Variants in ARHGAP10 observed in about 807,000 individuals in gnomAD.
The protein encoded by ARHGAP10 is Rho GTPase activating protein 10.
Under a neutral mutation model 108.6 loss-of-function variants are expected in ARHGAP10, and 87 were observed. The ratio of observed to expected loss-of-function variants is 0.80; its 90% CI spans 0.67 to 0.96. The LOEUF is 0.96. Among genes scored for constraint, ARHGAP10 ranks in the 40% least tolerant of loss-of-function variants. ARHGAP10 has a pLI of 0.00. For synonymous variants in ARHGAP10, 347 were observed against 341.1 expected, an observed-to-expected ratio of 1.02 and a Z score of -0.19; for missense variants, 939 against 954.5, an observed-to-expected ratio of 0.98 and a Z score of 0.21.
chr4:148,055,261 A>C (rs1424246489), intron 20 of ARHGAP10, among the ~76,000 whole-genome samples: 1 of 152,200 alleles, frequency 6.6e-6, no homozygotes. Flanking sequence ...TAAAGGAGGA[A>C]ATCCATGTAG....
intron 13 of ARHGAP10, among the ~76,000 whole-genome samples, chr4:147,936,500 T>C (rs1272221684): frequency 6.6e-6 from 1 of 151,468 alleles, no homozygotes; most frequent in Admixed American, 6.6e-5. Context: ...GGCTAATTTT[T>C]TTGTATTTTT....
intron 19 of ARHGAP10, among the ~76,000 whole-genome samples, chr4:148,028,832 G>A (rs1194730307): frequency 6.6e-6 from 1 of 152,138 alleles, no homozygotes; most frequent in East Asian, 1.9e-4. Context: ...AAGCAAATCG[G>A]GGACTTCTCA....
At chr4:147,874,582 G>A (rs1372002981) in intron 7 of ARHGAP10, among the ~76,000 whole-genome samples, 1 of 152,168 alleles carries the variant, frequency 6.6e-6, no homozygotes, top group Non-Finnish European at 1.5e-5. Context: ...CAGATTCTGA[G>A]TATTTACAGA....
chr4:148,072,642 C>T lies in ARHGAP10; in HGVS notation c.*561C>T, dbSNP rs1730233653. On this transcript the variant is annotated 3_prime_UTR_variant, in exon 23 of 23. Coordinates refer to ENST00000336498, the MANE Select transcript of ARHGAP10 (RefSeq NM_024605.4). ...TCCTAGACGGCCACCTGCAGGACCCCACACTCACTGCACTGGCAGCGTGCA... is the reference window on the plus strand; with the variant it reads ...TCCTAGACGGCCACCTGCAGGACCCTACACTCACTGCACTGGCAGCGTGCA... 1 of 152,212 alleles carries T rather than the reference C, an allele frequency of 6.6e-6. No individual in the cohort carries two copies. The highest frequency in any genetic ancestry group is 2.4e-5 in the African/African-American group (1 of 41,386). The allele number at this position is 152,212 out of a possible 1,614,324, so 9.4% of individuals were successfully genotyped here.
intron 18 of ARHGAP10, among the ~76,000 whole-genome samples, chr4:147,979,618 T>C (rs997020080): frequency 6.6e-6 from 1 of 152,178 alleles, no homozygotes; most frequent in Admixed American, 6.5e-5. Flanking sequence ...TGTGGATTGC[T>C]TTGGGCGGTA....
At chr4:147,936,967 G>A (rs946172761) in intron 13 of ARHGAP10, among the ~76,000 whole-genome samples, 1 of 152,128 alleles carries the variant, frequency 6.6e-6, no homozygotes, top group South Asian at 2.1e-4. Flanking sequence ...TTATAGGAGT[G>A]CAAACCCTAT....
intron 1 of ARHGAP10, among the ~76,000 whole-genome samples, chr4:147,769,997 A>AT (rs1730007365): frequency 1.3e-5 from 2 of 152,240 alleles, no homozygotes; most frequent in South Asian, 4.1e-4. Context: ...AGATAACAGC[A>AT]TAAGGACCTA....
At chr4:147,944,728 G>A (rs1375699407) in intron 14 of ARHGAP10, among the ~76,000 whole-genome samples, 1 of 152,184 alleles carries the variant, frequency 6.6e-6, no homozygotes, top group Admixed American at 6.5e-5. Context: ...AGACATCATC[G>A]TGGAGTGAGG....
intron 18 of ARHGAP10, among the ~76,000 whole-genome samples, chr4:148,007,452 A>G (rs1368487419): frequency 6.6e-6 from 1 of 152,206 alleles, no homozygotes; most frequent in Non-Finnish European, 1.5e-5. Flanking sequence ...AGGATTGCTC[A>G]GTAGCGAGAA....
At chr4:148,005,400 A>G (rs1388971450) in intron 18 of ARHGAP10, among the ~76,000 whole-genome samples, 1 of 152,206 alleles carries the variant, frequency 6.6e-6, no homozygotes, top group Non-Finnish European at 1.5e-5. Context: ...CCTGGGCAAC[A>G]TAGCGAGACC....
At chr4:147,893,443 AT>A (rs1423849815) in intron 10 of ARHGAP10, among the ~76,000 whole-genome samples, 2 of 147,336 alleles carry the variant, frequency 1.4e-5, no homozygotes, top group Non-Finnish European at 3.0e-5. Flanking sequence ...CAATATATAT[AT>A]TATTATTCTC....
intron 1 of ARHGAP10, among the ~76,000 whole-genome samples, chr4:147,808,651 G>A (rs550927080): frequency 4.1e-4 from 62 of 152,128 alleles, no homozygotes; most frequent in Non-Finnish European, 4.9e-4. Flanking sequence ...TAGAGTGAAT[G>A]TGTAGGGGGT....
intron 10 of ARHGAP10, among the ~76,000 whole-genome samples, chr4:147,885,654 C>T (rs151116101): frequency 6.6e-5 from 10 of 152,276 alleles, no homozygotes; most frequent in South Asian, 4.2e-4. Context: ...TTGTTATTCA[C>T]GTTTGACCTC....
At chr4:147,818,623 A>T (rs752932067) in intron 1 of ARHGAP10, among the ~76,000 whole-genome samples, 1 of 151,782 alleles carries the variant, frequency 6.6e-6, no homozygotes, top group African/African-American at 2.4e-5. Context: ...CCTGCCCTGC[A>T]TCTAACCCAG....
At chr4:147,824,809 C>T (rs1474442276) in intron 3 of ARHGAP10, among the ~76,000 whole-genome samples, 1 of 152,210 alleles carries the variant, frequency 6.6e-6, no homozygotes, top group African/African-American at 2.4e-5. Context: ...GGAGTTTACG[C>T]TTTCGTGTAA....
intron 19 of ARHGAP10, among the ~76,000 whole-genome samples, chr4:148,035,508 T>C (rs535266181): frequency 1.3e-5 from 2 of 152,344 alleles, no homozygotes; most frequent in East Asian, 1.9e-4. Flanking sequence ...TGAATTATTA[T>C]CTAGCAACTG....
chr4:147,857,167 T>G (rs1190401881), intron 4 of ARHGAP10, among the ~76,000 whole-genome samples: 2 of 152,232 alleles, frequency 1.3e-5, no homozygotes, highest in Non-Finnish European at 2.9e-5. Context: ...TTTAAACGAA[T>G]TCCACGTCTG....
At chr4:147,830,669 GCT>G (rs1732922717) in intron 3 of ARHGAP10, among the ~76,000 whole-genome samples, 1 of 151,978 alleles carries the variant, frequency 6.6e-6, no homozygotes, top group Non-Finnish European at 1.5e-5. Context: ...ATAGGCACTT[GCT>G]ACCACACCCA....
At chr4:147,954,899 T>C (rs1207813727) in intron 15 of ARHGAP10, among the ~76,000 whole-genome samples, 2 of 152,086 alleles carry the variant, frequency 1.3e-5, no homozygotes, top group Non-Finnish European at 2.9e-5. Context: ...TGTTTAATCT[T>C]TTCTATGTAT....
Sources: gnomAD v4.1 joint callset for allele counts (sites outside exome capture counted in the v4.1 genomes callset) on GRCh38, gnomAD v4.1.1 for gene constraint, MANE v1.5 for transcripts, NCBI Gene and HGNC (gene_info 2026-07-23, HGNC 2026-07-21) for gene names.